The following RIPOR2 variants were observed in gnomAD, a reference collection of about 807,000 sequenced individuals.
RIPOR2 encodes rho family-interacting cell polarization regulator 2.
Under a neutral mutation model 114.5 loss-of-function variants are expected in RIPOR2, and 39 were observed. The ratio of observed to expected loss-of-function variants is 0.34; its 90% CI spans 0.26 to 0.44. The LOEUF is 0.44. Ranked by LOEUF, RIPOR2 falls within the 20% of genes least tolerant of loss-of-function variation. RIPOR2 has a pLI of 1.00. For synonymous variants in RIPOR2, 445 were observed against 484.4 expected, an observed-to-expected ratio of 0.92 and a Z score of 1.07; for missense variants, 1,007 against 1,255.1, an observed-to-expected ratio of 0.80 and a Z score of 2.99.
At chr6:24,851,998 T>C (rs1412259092) in intron 9 of RIPOR2, among the ~76,000 whole-genome samples, 2 of 95,586 alleles carry the variant, frequency 2.1e-5, no homozygotes, top group Non-Finnish European at 3.8e-5. Flanking sequence ...ACACCTGTAA[T>C]CCCAGCACTT....
At chr6:24,957,136 A>G (rs989450065) in intron 1 of RIPOR2, among the ~76,000 whole-genome samples, 1 of 152,208 alleles carries the variant, frequency 6.6e-6, no homozygotes, top group African/African-American at 2.4e-5. Context: ...TGATTGATGT[A>G]TTATTCATTA....
intron 1 of RIPOR2, among the ~76,000 whole-genome samples, chr6:24,915,673 T>G (rs1770020882): frequency 6.6e-6 from 1 of 152,202 alleles, no homozygotes; most frequent in African/African-American, 2.4e-5. Context: ...CCCGTCTCTC[T>G]GTATTTTTGA....
chr6:24,933,240 C>T (rs956245192), intron 1 of RIPOR2, among the ~76,000 whole-genome samples: 1 of 152,300 alleles, frequency 6.6e-6, no homozygotes, highest in African/African-American at 2.4e-5. Context: ...AATAGGGATT[C>T]ATATGTATTA....
chr6:24,999,713 G>A lies in RIPOR2; in HGVS notation c.76+42138C>T, dbSNP rs541458754. ...TGGGACTACAGGCGCCCACCACCAC[G>A]CCTGGCTAATTTTTTTGTATTTTTA... On this transcript the variant is annotated intron_variant, in intron 1 of 13. Coordinates refer to the RIPOR2 transcript ENST00000510784. 5.5e-4 allele frequency among the ~76,000 whole-genome samples: 83 copies of A among 152,014 alleles called. No homozygotes were observed. In the South Asian group the frequency reaches 0.015, roughly 28 times the overall value.
intron 7 of RIPOR2, among the ~76,000 whole-genome samples, chr6:24,862,155 T>G (rs1764128778): frequency 6.6e-6 from 1 of 152,226 alleles, no homozygotes. Context: ...ACAATTGCAG[T>G]TAGAAATGAA....
intron 1 of RIPOR2, among the ~76,000 whole-genome samples, chr6:24,901,477 G>T (rs960818079): frequency 6.6e-6 from 1 of 152,146 alleles, no homozygotes; most frequent in South Asian, 2.1e-4. Flanking sequence ...GAAACACCAC[G>T]TGCCATTTCT....
At chr6:25,025,045 A>G (rs1460985454) in intron 1 of RIPOR2, among the ~76,000 whole-genome samples, 1 of 152,238 alleles carries the variant, frequency 6.6e-6, no homozygotes, top group Non-Finnish European at 1.5e-5. Flanking sequence ...GGCCATGCCC[A>G]GTTTAACTTC....
At chr6:24,999,558 CTTTTT>C (rs34050235) in intron 1 of RIPOR2, among the ~76,000 whole-genome samples, 1 of 137,696 alleles carries the variant, frequency 7.3e-6, no homozygotes, top group Non-Finnish European at 1.6e-5. Flanking sequence ...CTGACTCATC[CTTTTT>C]TTTTTTTTTT....
intron 1 of RIPOR2, among the ~76,000 whole-genome samples, chr6:24,964,450 A>G (rs1773438079): frequency 6.6e-6 from 1 of 152,166 alleles, no homozygotes; most frequent in South Asian, 2.1e-4. Context: ...GGTCCATTCA[A>G]GTTGCCGTGT....
intron 9 of RIPOR2, among the ~76,000 whole-genome samples, chr6:24,852,265 A>T (rs1454620559): frequency 1.3e-5 from 2 of 152,090 alleles, no homozygotes; most frequent in African/African-American, 4.8e-5. Context: ...CCATCTCAAA[A>T]TAAAAAATAA....
At chr6:24,882,859 C>A (rs772326657) in intron 1 of RIPOR2, among the ~76,000 whole-genome samples, 1 of 152,100 alleles carries the variant, frequency 6.6e-6, no homozygotes, top group Admixed American at 6.6e-5. Context: ...ACCCCATATT[C>A]CATGTGCTCC....
At chr6:25,005,528 T>C (rs1485585675) in intron 1 of RIPOR2, among the ~76,000 whole-genome samples, 1 of 151,640 alleles carries the variant, frequency 6.6e-6, no homozygotes, top group Non-Finnish European at 1.5e-5. Context: ...ATAAGAAATC[T>C]ATGTCTCATC....
At chr6:24,807,557 C>T (rs4401657) in intron 21 of RIPOR2, among the ~76,000 whole-genome samples, 112,838 of 152,078 alleles carry the variant, frequency 0.74, 44,080 homozygotes, top group East Asian at 0.88. Context: ...CAACTTACAA[C>T]GGGTTTATTG....
intron 1 of RIPOR2, among the ~76,000 whole-genome samples, chr6:25,014,523 G>A (rs1039569259): frequency 1.3e-5 from 2 of 152,172 alleles, no homozygotes; most frequent in African/African-American, 4.8e-5. Context: ...TCTGGAAACA[G>A]GGTTGGCATG....
intron 8 of RIPOR2, among the ~76,000 whole-genome samples, chr6:24,854,058 A>G (rs1007223421): frequency 2.0e-5 from 3 of 151,408 alleles, no homozygotes; most frequent in Admixed American, 6.6e-5. Context: ...GGTCTAGGCT[A>G]TAGTGAACCG....
rs983498254 is a variant in RIPOR2, at chr6:24,826,222, T to C, written c.2666-794A>G. 8.5e-5 allele frequency among the ~76,000 whole-genome samples: 13 copies of C among 152,158 alleles called. 1 individual carries two copies. The highest frequency in any genetic ancestry group is 2.1e-4 in the South Asian group (1 of 4,824). ...GATTACAGGTGTAAGCCACCTTGCC[T>C]GGCCAGAGCAACCCATTTTGTTGGT... On this transcript the variant is annotated intron_variant, in intron 18 of 21. Coordinates refer to ENST00000643898, the MANE Select transcript of RIPOR2 (RefSeq NM_001286445.3).
At chr6:24,822,309 A>G (rs1435046879) in intron 19 of RIPOR2, among the ~76,000 whole-genome samples, 2 of 152,236 alleles carry the variant, frequency 1.3e-5, no homozygotes, top group African/African-American at 4.8e-5. Context: ...TTTCAGGAAC[A>G]CAAATATTGT....
intron 13 of RIPOR2, chr6:24,840,771 G>C: frequency 6.5e-7 from 1 of 1,535,366 alleles, no homozygotes. Context: ...AAGGTGTTTA[G>C]CATCCTAGGA....
At chr6:24,828,855 C>T (rs1760424917) in intron 17 of RIPOR2, among the ~76,000 whole-genome samples, 1 of 152,142 alleles carries the variant, frequency 6.6e-6, no homozygotes, top group Non-Finnish European at 1.5e-5. Flanking sequence ...AGGCAACTAA[C>T]AATCTGACTT....
Sources: gnomAD v4.1 joint callset for allele counts (sites outside exome capture counted in the v4.1 genomes callset) on GRCh38, gnomAD v4.1.1 for gene constraint, MANE v1.5 for transcripts, NCBI Gene and HGNC (gene_info 2026-07-23, HGNC 2026-07-21) for gene names.